Variants in DOCK3 observed in about 807,000 individuals in gnomAD.
The protein encoded by DOCK3 is dedicator of cytokinesis 3.
DOCK3 carries 60 observed loss-of-function variants against 265.6 expected under a neutral mutation model. The ratio of observed to expected loss-of-function variants is 0.23; its 90% CI spans 0.18 to 0.28. The LOEUF is 0.28. Ranked by LOEUF, DOCK3 falls within the 10% of genes least tolerant of loss-of-function variation. The pLI, the probability that DOCK3 is intolerant of heterozygous loss-of-function variation, is 1.00. For synonymous variants in DOCK3, 881 were observed against 938.0 expected (o/e 0.94, Z 1.11); for missense variants, 1,981 against 2,594.3 (o/e 0.76, Z 5.14).
At chr3:50,892,676 G>C (rs951884177) in intron 4 of DOCK3, among the ~76,000 whole-genome samples, 1 of 152,068 alleles carries the variant, frequency 6.6e-6, no homozygotes, top group Non-Finnish European at 1.5e-5. Context: ...GGGAAGCTAA[G>C]AACAAAGAAA....
intron 1 of DOCK3, among the ~76,000 whole-genome samples, chr3:50,702,176 TGTTA>T (rs2036083910): frequency 1.3e-5 from 2 of 152,214 alleles, no homozygotes. Context: ...ATTTTAACAC[TGTTA>T]GTTCTTTGGA....
chr3:50,872,714 G>A (rs550149274), intron 3 of DOCK3, among the ~76,000 whole-genome samples: 1 of 152,328 alleles, frequency 6.6e-6, no homozygotes, highest in East Asian at 1.9e-4. Context: ...TCTACCTTAT[G>A]TTCTCTTGTA....
intron 1 of DOCK3, among the ~76,000 whole-genome samples, chr3:50,750,944 T>A (rs1387012450): frequency 6.6e-6 from 1 of 152,200 alleles, no homozygotes; most frequent in African/African-American, 2.4e-5. Context: ...AGCCACAATT[T>A]TTTTTCTTTT....
intron 5 of DOCK3, among the ~76,000 whole-genome samples, chr3:50,935,748 C>T (rs2051325778): frequency 6.6e-6 from 1 of 152,162 alleles, no homozygotes; most frequent in Non-Finnish European, 1.5e-5. Context: ...CTACATAACA[C>T]AAATGAGGGA....
At chr3:50,766,319 A>T (rs541172922) in intron 1 of DOCK3, among the ~76,000 whole-genome samples, 1 of 118,270 alleles carries the variant, frequency 8.5e-6, no homozygotes, top group African/African-American at 3.3e-5. Context: ...TCCCCTTCCT[A>T]TGTCCAAGTG....
intron 5 of DOCK3, among the ~76,000 whole-genome samples, chr3:50,967,875 C>T (rs2077078516): frequency 6.6e-6 from 1 of 152,140 alleles, no homozygotes; most frequent in African/African-American, 2.4e-5. Context: ...GGTGAGAACA[C>T]AGCCAAACCA....
At chr3:51,248,404 G>A (rs1296466844) in intron 22 of DOCK3, among the ~76,000 whole-genome samples, 23 of 152,308 alleles carry the variant, frequency 1.5e-4, no homozygotes, top group Non-Finnish European at 2.8e-4. Context: ...TGTGTTGGCC[G>A]GGCTGGTCTC....
chr3:50,977,586 T>C (rs2077504842), intron 5 of DOCK3, among the ~76,000 whole-genome samples: 1 of 152,204 alleles, frequency 6.6e-6, no homozygotes, highest in African/African-American at 2.4e-5. Flanking sequence ...ATTTTTTCCT[T>C]CATTTCAACT....
At chr3:51,377,533 T>A (rs1016283151) in intron 51 of DOCK3, among the ~76,000 whole-genome samples, 1 of 152,186 alleles carries the variant, frequency 6.6e-6, no homozygotes, top group Non-Finnish European at 1.5e-5. Flanking sequence ...TGCTGGACAG[T>A]TGTTAATGGT....
chr3:50,677,810 G>A (rs554572772), intron 1 of DOCK3, among the ~76,000 whole-genome samples: 28 of 152,274 alleles, frequency 1.8e-4, no homozygotes, highest in African/African-American at 5.5e-4. Context: ...TATAATATAG[G>A]AATTCTGTAC....
At chr3:51,044,724 C>A (rs576190127) in intron 5 of DOCK3, among the ~76,000 whole-genome samples, 37 of 152,236 alleles carry the variant, frequency 2.4e-4, no homozygotes, top group Middle Eastern at 3.4e-3. Context: ...TTCTGAATAA[C>A]TTGCTACAGC....
chr3:51,264,813 C>T (rs1009067675), intron 23 of DOCK3, among the ~76,000 whole-genome samples: 5 of 58,060 alleles, frequency 8.6e-5, no homozygotes, highest in South Asian at 4.3e-4. Context: ...GGTGACAGAG[C>T]GAGACTCAGT....
At chr3:51,342,588 C>T (rs1017871515) in intron 38 of DOCK3, among the ~76,000 whole-genome samples, 1 of 152,220 alleles carries the variant, frequency 6.6e-6, no homozygotes, top group African/African-American at 2.4e-5. Context: ...CGCATGTGTG[C>T]TTCTAGTGCA....
At chr3:50,957,010 C>T (rs569666242) in intron 5 of DOCK3, among the ~76,000 whole-genome samples, 1 of 152,304 alleles carries the variant, frequency 6.6e-6, no homozygotes, top group Non-Finnish European at 1.5e-5. Flanking sequence ...AATGATCTGC[C>T]TGCCTTGCCC....
chr3:51,249,142 G>T (rs1391380892), intron 22 of DOCK3, among the ~76,000 whole-genome samples: 2 of 132,814 alleles, frequency 1.5e-5, no homozygotes, highest in East Asian at 2.2e-4. Context: ...CCCCGTCCGG[G>T]AGGGAGGTGG....
At chr3:50,747,873 A>AG (rs35359193) in intron 1 of DOCK3, among the ~76,000 whole-genome samples, 2,004 of 147,054 alleles carry the variant, frequency 0.014, 24 homozygotes, top group African/African-American at 0.029. Flanking sequence ...GAAAAAAAAA[A>AG]GGGGGGGGGT....
At chr3:50,757,522 T>C (rs775096424) in intron 1 of DOCK3, among the ~76,000 whole-genome samples, 3 of 152,126 alleles carry the variant, frequency 2.0e-5, no homozygotes, top group Non-Finnish European at 4.4e-5. Flanking sequence ...ATAGTCTAGA[T>C]ACAAGTCCCT....
At chr3:50,878,159 C>T (rs1484134879) in intron 3 of DOCK3, among the ~76,000 whole-genome samples, 1 of 152,106 alleles carries the variant, frequency 6.6e-6, no homozygotes, top group African/African-American at 2.4e-5. Flanking sequence ...GATAAAACCA[C>T]CAAGATGGGG....
intron 14 of DOCK3, among the ~76,000 whole-genome samples, chr3:51,221,983 G>T (rs773458807): frequency 1.7e-4 from 26 of 152,118 alleles, no homozygotes; most frequent in Non-Finnish European, 2.9e-4. Context: ...GTTTCCTAGT[G>T]TTAAATAATG....
Sources: gnomAD v4.1 joint callset for allele counts (sites outside exome capture counted in the v4.1 genomes callset) on GRCh38, gnomAD v4.1.1 for gene constraint, MANE v1.5 for transcripts, NCBI Gene and HGNC (gene_info 2026-07-23, HGNC 2026-07-21) for gene names.